GON4L: variants seen among roughly 807,000 people sequenced by gnomAD.
The protein encoded by GON4L is GON-4-like protein.
In GON4L, 87 loss-of-function variants were observed where a neutral mutation model predicts 211.8. The ratio of observed to expected loss-of-function variants is 0.41; its 90% CI spans 0.35 to 0.49. The LOEUF is 0.49. Ranked by LOEUF, GON4L falls within the 20% of genes least tolerant of loss-of-function variation. The pLI is 0.15. For synonymous variants in GON4L, 875 were observed against 962.6 expected (o/e 0.91, Z 1.68); for missense variants, 2,155 against 2,659.5 (o/e 0.81, Z 4.17).
chr1:155,780,842 A>C (rs1024546490), intron 14 of GON4L, among the ~76,000 whole-genome samples: 1 of 152,192 alleles, frequency 6.6e-6, no homozygotes, highest in African/African-American at 2.4e-5. Flanking sequence ...TCATATTTCA[A>C]GTAATCTCCA....
Position 155,765,471 on chromosome 1 carries a change from C to T in GON4L, c.4002G>A (p.Glu1334=). The change falls in exon 21 of 32, where the codon GAG becomes GAA. Residue 1334 remains glutamate (E), a synonymous_variant. Transcript: ENST00000368331. ...CACGCTCAGGGGATCCACTGATTTC[C>T]TCTCTAGCTTCTTCAGGTTCCATCT... ...IVKMEPEEAR[E]EISGSPERDI... 1 of 1,614,184 alleles carries T rather than the reference C, an allele frequency of 6.2e-7. No homozygotes were observed. Among genetic ancestry groups the T allele is most frequent in the Non-Finnish European group, 8.5e-7 (1 of 1,180,026 alleles).
At chr1:155,772,835 T>C (rs1327939154) in intron 18 of GON4L, among the ~76,000 whole-genome samples, 1 of 152,240 alleles carries the variant, frequency 6.6e-6, no homozygotes, top group Admixed American at 6.5e-5. Context: ...TGAGCCACCA[T>C]GTCCGGTCTA....
chr1:155,767,142 G>T, intron 20 of GON4L: 2 of 718,596 alleles, frequency 2.8e-6, no homozygotes, highest in African/African-American at 1.8e-5. Context: ...TCCAAGAAGG[G>T]TCTCTCTGCA....
At chr1:155,782,233 A>AT (rs1205470756) in intron 14 of GON4L, among the ~76,000 whole-genome samples, 1 of 152,224 alleles carries the variant, frequency 6.6e-6, no homozygotes, top group Non-Finnish European at 1.5e-5. Context: ...GTCAAAGATT[A>AT]TAACAGGTTT....
chr1:155,824,328 G>A (rs1202860062), intron 3 of GON4L, among the ~76,000 whole-genome samples: 1 of 150,422 alleles, frequency 6.6e-6, no homozygotes, highest in Admixed American at 6.7e-5. Context: ...CAGCTACTTG[G>A]GAAGCTGAGG....
At position 155,795,154 on chromosome 1, in the gene GON4L, A is replaced by AG. The variant is rs757940171; in HGVS notation, c.1646-4dup. The AG allele has an allele frequency of 7.3e-6, 11 of 1,515,642 alleles. No individual in the cohort carries two copies. The highest frequency in any genetic ancestry group is 1.7e-4 in the Middle Eastern group (1 of 5,914). The allele number at this position is 1,515,642 out of a possible 1,614,324, so 93.9% of individuals were successfully genotyped here. On this transcript the variant is annotated splice_region_variant and splice_polypyrimidine_tract_variant and intron_variant, in intron 11 of 31. Coordinates refer to ENST00000368331, the MANE Select transcript of GON4L (RefSeq NM_001282860.2). ...ATCATCATCATCATCTGCTTCATCT[A>AG]GGAAAAAAAAGTGTTTCAGATGCTC...
intron 10 of GON4L, among the ~76,000 whole-genome samples, chr1:155,808,299 A>G (rs1667353792): frequency 6.6e-6 from 1 of 152,152 alleles, no homozygotes; most frequent in African/African-American, 2.4e-5. Context: ...TCGGCCTCCC[A>G]AAGTGCTGGG....
intron 12 of GON4L, among the ~76,000 whole-genome samples, chr1:155,794,248 T>A (rs1361977597): frequency 6.6e-6 from 1 of 152,126 alleles, no homozygotes; most frequent in South Asian, 2.1e-4. Context: ...ATTTTTGTAT[T>A]TTTAGTAGAG....
rs1662339393 is a variant in GON4L at position 155,765,364 on chromosome 1, T to A, written c.4109A>T (p.Glu1370Val). ...APSEELSSAG[E>V]VTKQTVLQKE... ...CTGTAAGACTGTCTGTTTCGTTACT[T>A]CTCCAGCACTGCTCAACTCCTCGCT... The change falls in exon 21 of 32, where the codon GAA becomes GTA. Residue 1370 changes from glutamate to valine, a missense_variant. Around this residue, in one of 6 missense-constraint regions of GON4L, gnomAD observed 615 missense variants for 625.7 expected, o/e 0.98. Transcript: ENST00000368331. 3.1e-6 allele frequency: 5 copies of A among 1,614,152 alleles called. No individual in the cohort carries two copies. Among genetic ancestry groups the A allele is most frequent in the Non-Finnish European group, 4.2e-6 (5 of 1,180,028 alleles).
At chr1:155,821,571 T>C (rs556401174) in intron 4 of GON4L, 23 bp from the exon 5 acceptor site, 2 of 1,437,212 alleles carry the variant, frequency 1.4e-6, no homozygotes, top group Admixed American at 3.3e-5. Context: ...GAAATTTCAC[T>C]TTATGCAACA....
intron 11 of GON4L, among the ~76,000 whole-genome samples, chr1:155,802,324 A>AG (rs1415300039): frequency 3.0e-5 from 4 of 133,612 alleles, no homozygotes; most frequent in Admixed American, 7.8e-5. Flanking sequence ...GGGGGGGGGA[A>AG]GGCTTTAATT....
chr1:155,757,241 G>A lies in GON4L; in HGVS notation c.5336C>T (p.Pro1779Leu). ...EFSIFFDHLR[P>L]AASRMGDFEE... ...AAAGTCACCCATCCGGCTAGCTGCT[G>A]GGCGCAAGTGGTCAAAGAAGATAGA... The change falls in exon 26 of 32, where the codon CCA becomes CTA. Residue 1779 changes from proline (P) to leucine (L), a missense_variant. Physicochemically the swap from Pro to Leu is moderately conservative, Grantham distance 98. Coordinates refer to ENST00000368331, the MANE Select transcript of GON4L (RefSeq NM_001282860.2). The A allele has an allele frequency of 1.2e-6, 2 of 1,613,952 alleles. No homozygotes were observed. Among genetic ancestry groups the A allele is most frequent in the South Asian group, 2.2e-5 (2 of 91,080 alleles).
At chr1:155,773,025 G>C in intron 18 of GON4L, 41 bp downstream of exon 18, 1 of 1,608,786 alleles carries the variant, frequency 6.2e-7, no homozygotes, top group Non-Finnish European at 8.5e-7. Context: ...TCTTCTCCTT[G>C]GGATGTTCTG....
In GON4L at chr1:155,787,992, T is replaced by TTTTTA. The variant is rs1400556730; in HGVS notation, c.1748-2623_1748-2619dup. 5.3e-5 allele frequency among the ~76,000 whole-genome samples: 8 copies of TTTTTA among 152,104 alleles called. No individual in the cohort carries two copies. In the South Asian group the frequency reaches 1.2e-3, roughly 24 times the overall value. On this transcript the variant is annotated intron_variant, in intron 12 of 31. Transcript: ENST00000368331. ...AAAATCATTTAAGTAATTTAATTAT[T>TTTTTA]TTTTATTTTATTTTTTTGAGACTGA...
At chr1:155,826,723 A>G in intron 3 of GON4L, 114 bp downstream of exon 3, 1 of 735,840 alleles carries the variant, frequency 1.4e-6, no homozygotes, top group South Asian at 1.6e-5. Context: ...ACAAGGGTGT[A>G]TTAAATTTGT....
intron 24 of GON4L, among the ~76,000 whole-genome samples, chr1:155,759,295 A>C (rs145648660): frequency 1.4e-4 from 22 of 152,104 alleles, no homozygotes; most frequent in African/African-American, 5.3e-4. Flanking sequence ...TTTTTGGCCA[A>C]GTGTGGTGGC....
At chr1:155,791,425 A>C (rs1471907249) in intron 12 of GON4L, among the ~76,000 whole-genome samples, 4 of 151,910 alleles carry the variant, frequency 2.6e-5, no homozygotes, top group Non-Finnish European at 5.9e-5. Flanking sequence ...AGGTCTGGAC[A>C]CCAAGGCTTT....
At chr1:155,822,053 A>T (rs1668784984) in intron 4 of GON4L, among the ~76,000 whole-genome samples, 2 of 152,230 alleles carry the variant, frequency 1.3e-5, no homozygotes, top group Admixed American at 1.3e-4. Flanking sequence ...AGGAAACAGG[A>T]ACAGTTTATC....
At chr1:155,801,061 C>G (rs1256769813) in intron 11 of GON4L, among the ~76,000 whole-genome samples, 1 of 138,628 alleles carries the variant, frequency 7.2e-6, no homozygotes, top group African/African-American at 2.8e-5. Flanking sequence ...TCCCCTACCA[C>G]GTTGTGGAAA....
Sources: allele counts gnomAD v4.1 joint callset (sites outside exome capture counted in the v4.1 genomes callset), GRCh38; gene constraint gnomAD v4.1.1; regional missense constraint gnomAD v4.1.1; transcripts MANE v1.5; gene names NCBI Gene and HGNC (gene_info 2026-07-23, HGNC 2026-07-21).